The following HCN1 variants were observed in gnomAD, a reference collection of about 807,000 sequenced individuals.
The protein encoded by HCN1 is hyperpolarization activated cyclic nucleotide gated potassium channel 1, also known as potassium/sodium hyperpolarization-activated cyclic nucleotide-gated channel 1.
HCN1 carries 13 observed loss-of-function variants against 78.9 expected under a neutral mutation model. That is an observed-to-expected ratio of 0.16 (90% CI 0.11 to 0.26). HCN1 has a LOEUF of 0.26. Among genes scored for constraint, HCN1 ranks in the 10% least tolerant of loss-of-function variants. HCN1 has a pLI of 1.00. For missense variants in HCN1, 810 were observed against 1,154.3 expected, an observed-to-expected ratio of 0.70 and a Z score of 4.32; for synonymous variants, 552 against 455.5, an observed-to-expected ratio of 1.21 and a Z score of -2.70.
chr5:45,331,676 C>G (rs1746346870), intron 5 of HCN1, among the ~76,000 whole-genome samples: 1 of 151,412 alleles, frequency 6.6e-6, no homozygotes, highest in Non-Finnish European at 1.5e-5. Context: ...TGTATCTCAA[C>G]ACACCTGCTC....
intron 2 of HCN1, among the ~76,000 whole-genome samples, chr5:45,472,629 G>C (rs868434453): frequency 5.0e-5 from 5 of 100,418 alleles, no homozygotes; most frequent in African/African-American, 2.3e-4. Context: ...AGAAGGAAAG[G>C]GGGGAGGGAG....
intron 3 of HCN1, among the ~76,000 whole-genome samples, chr5:45,457,982 C>T (rs1020496205): frequency 6.6e-6 from 1 of 151,974 alleles, no homozygotes; most frequent in South Asian, 2.1e-4. Context: ...GCACCTGCGA[C>T]GGTTAGTGAT....
chr5:45,540,655 A>G (rs1332787848), intron 2 of HCN1, among the ~76,000 whole-genome samples: 1 of 152,066 alleles, frequency 6.6e-6, no homozygotes, highest in Admixed American at 6.6e-5. Context: ...AATTTCTATA[A>G]TTTACCCTGT....
chr5:45,412,833 A>T (rs1336947310), intron 3 of HCN1, among the ~76,000 whole-genome samples: 1 of 152,048 alleles, frequency 6.6e-6, no homozygotes, highest in African/African-American at 2.4e-5. Context: ...TATTTTGGGG[A>T]TGAAAAGAAC....
intron 2 of HCN1, among the ~76,000 whole-genome samples, chr5:45,603,218 G>A (rs1744660131): frequency 6.6e-6 from 1 of 151,934 alleles, no homozygotes; most frequent in Admixed American, 6.6e-5. Context: ...TTTTAGTATT[G>A]CCAAGCATAC....
chr5:45,360,830 G>C (rs920801683), intron 4 of HCN1, among the ~76,000 whole-genome samples: 4 of 151,920 alleles, frequency 2.6e-5, no homozygotes, highest in Admixed American at 2.6e-4. Flanking sequence ...AGATTTGTTT[G>C]CTTTTTAGCA....
rs140865254 is a variant in HCN1, at chr5:45,386,083, T to C, written c.1230+10409A>G. Among the ~76,000 whole-genome samples, 498 of 152,322 alleles carry C rather than the reference T, an allele frequency of 3.3e-3. 3 individuals carry two copies. Among genetic ancestry groups the C allele is most frequent in the African/African-American group, 0.011 (475 of 41,578 alleles). On this transcript the variant is annotated intron_variant, in intron 4 of 7. Coordinates refer to ENST00000303230, the MANE Select transcript of HCN1 (RefSeq NM_021072.4). ...GAAAGCTATATGTCATGGTCCTCCATTGTATTGTGCCACAGCAGTGGGGAC... is the reference window on the plus strand; with the variant it reads ...GAAAGCTATATGTCATGGTCCTCCACTGTATTGTGCCACAGCAGTGGGGAC...
intron 2 of HCN1, among the ~76,000 whole-genome samples, chr5:45,581,151 C>T (rs574138038): frequency 2.6e-4 from 39 of 152,298 alleles, no homozygotes; most frequent in Non-Finnish European, 5.0e-4. Context: ...TACAGTCCCA[C>T]CAACAGTGTA....
chr5:45,460,823 T>C (rs1427174625), intron 3 of HCN1, among the ~76,000 whole-genome samples: 4 of 150,410 alleles, frequency 2.7e-5, no homozygotes, highest in East Asian at 2.0e-4. Context: ...AGAAAACCTA[T>C]GCTACAATCA....
At chr5:45,541,237 G>A (rs1743099666) in intron 2 of HCN1, among the ~76,000 whole-genome samples, 1 of 151,972 alleles carries the variant, frequency 6.6e-6, no homozygotes, top group African/African-American at 2.4e-5. Flanking sequence ...TTTCCCTTAA[G>A]TGCTTTCCTA....
intron 2 of HCN1, among the ~76,000 whole-genome samples, chr5:45,563,676 T>C (rs929627745): frequency 2.6e-5 from 4 of 152,130 alleles, no homozygotes; most frequent in African/African-American, 9.7e-5. Context: ...CTTCACATCA[T>C]TGATAAAATG....
intron 2 of HCN1, among the ~76,000 whole-genome samples, chr5:45,576,991 T>A (rs1743959801): frequency 6.6e-6 from 1 of 152,098 alleles, no homozygotes; most frequent in South Asian, 2.1e-4. Context: ...ATGTTTTTGA[T>A]GTCTCTGTAC....
chr5:45,523,581 G>T (rs1742663252), intron 2 of HCN1, among the ~76,000 whole-genome samples: 1 of 152,124 alleles, frequency 6.6e-6, no homozygotes, highest in Non-Finnish European at 1.5e-5. Context: ...ATCTCATTGT[G>T]GTTTTGATTT....
At chr5:45,464,929 C>A (rs1741237251) in intron 2 of HCN1, among the ~76,000 whole-genome samples, 1 of 152,162 alleles carries the variant, frequency 6.6e-6, no homozygotes, top group Non-Finnish European at 1.5e-5. Flanking sequence ...ACAGCCACAA[C>A]TTATTATTAA....
chr5:45,417,553 G>T (rs372659689), intron 3 of HCN1, among the ~76,000 whole-genome samples: 1 of 151,672 alleles, frequency 6.6e-6, no homozygotes, highest in African/African-American at 2.4e-5. Context: ...TGACTGGAAA[G>T]AATACAGTGT....
chr5:45,591,574 G>C (rs1453377423), intron 2 of HCN1, among the ~76,000 whole-genome samples: 1 of 152,124 alleles, frequency 6.6e-6, no homozygotes, highest in African/African-American at 2.4e-5. Flanking sequence ...CATCTTTTTG[G>C]TGAAGTGTTT....
At chr5:45,595,221 GA>G (rs1744462200) in intron 2 of HCN1, among the ~76,000 whole-genome samples, 1 of 152,210 alleles carries the variant, frequency 6.6e-6, no homozygotes. Flanking sequence ...TGCACAAGAA[GA>G]AATTCAATCC....
At chr5:45,361,836 C>A (rs1747116894) in intron 4 of HCN1, among the ~76,000 whole-genome samples, 1 of 151,718 alleles carries the variant, frequency 6.6e-6, no homozygotes, top group Non-Finnish European at 1.5e-5. Flanking sequence ...TTTGAAAAGT[C>A]AATTTAACAT....
intron 2 of HCN1, among the ~76,000 whole-genome samples, chr5:45,496,201 G>A (rs1473288603): frequency 6.6e-6 from 1 of 152,088 alleles, no homozygotes; most frequent in Admixed American, 6.5e-5. Flanking sequence ...TGTACCTGTG[G>A]TAGAATTTGG....
Sources: allele counts gnomAD v4.1 joint callset (sites outside exome capture counted in the v4.1 genomes callset), GRCh38; gene constraint gnomAD v4.1.1; transcripts MANE v1.5; gene names NCBI Gene and HGNC (gene_info 2026-07-23, HGNC 2026-07-21).